MLLT10: variants seen among roughly 807,000 people sequenced by gnomAD.
The protein encoded by MLLT10 is MLLT10 histone lysine methyltransferase DOT1L cofactor.
In MLLT10, 30 loss-of-function variants were observed where a neutral mutation model predicts 129.1. That is an observed-to-expected ratio of 0.23 (90% CI 0.17 to 0.32). The LOEUF (loss-of-function observed/expected upper bound fraction) is 0.32. Ranked by LOEUF, MLLT10 falls within the 10% of genes least tolerant of loss-of-function variation. The probability of loss-of-function intolerance (pLI) is 1.00; values close to 1 mark genes in which losing one functional copy is unlikely to be tolerated. For missense variants in MLLT10, 1,119 were observed against 1,268.3 expected, an observed-to-expected ratio of 0.88 and a Z score of 1.79; for synonymous variants, 490 against 446.4, an observed-to-expected ratio of 1.10 and a Z score of -1.23.
rs146972917 is a variant in MLLT10 at position 21,712,921 on chromosome 10, C to T, written c.1700-851C>T. On this transcript the variant is annotated intron_variant, in intron 13 of 22. Transcript: ENST00000307729. ...ATTTTCTTTTTTTAAAAAATAAGCACTTTTAAAAAATTAACTTGTTTCCTG... is the reference window on the plus strand; with the variant it reads ...ATTTTCTTTTTTTAAAAAATAAGCATTTTTAAAAAATTAACTTGTTTCCTG... 5.7e-3 allele frequency among the ~76,000 whole-genome samples: 868 copies of T among 152,290 alleles called. 2 individuals carry two copies. Among genetic ancestry groups the T allele is most frequent in the African/African-American group, 0.02 (819 of 41,546 alleles).
intron 8 of MLLT10, among the ~76,000 whole-genome samples, chr10:21,618,940 G>T (rs1359582361): frequency 6.6e-6 from 1 of 151,662 alleles, no homozygotes; most frequent in Non-Finnish European, 1.5e-5. Flanking sequence ...TCACTATGTT[G>T]TCCAGGCTGG....
chr10:21,617,408 A>G (rs891529980), intron 8 of MLLT10, among the ~76,000 whole-genome samples: 1 of 152,212 alleles, frequency 6.6e-6, no homozygotes, highest in Non-Finnish European at 1.5e-5. Context: ...GCAACTGAAC[A>G]TTTAGATTAC....
At chr10:21,635,925 CTTTT>C (rs530505484) in intron 8 of MLLT10, among the ~76,000 whole-genome samples, 4 of 111,516 alleles carry the variant, frequency 3.6e-5, no homozygotes, top group African/African-American at 1.4e-4. Flanking sequence ...TGCACCTGGC[CTTTT>C]TTTTTTTTTT....
chr10:21,669,181 C>A (rs1321485007), intron 9 of MLLT10: 6 of 854,058 alleles, frequency 7.0e-6, no homozygotes, highest in Non-Finnish European at 9.2e-6. Flanking sequence ...TAGTGGAGTA[C>A]TTTGTTTTTA....
intron 4 of MLLT10, among the ~76,000 whole-genome samples, chr10:21,587,445 A>AG (rs1358025108): frequency 6.6e-6 from 1 of 151,058 alleles, no homozygotes; most frequent in African/African-American, 2.4e-5. Context: ...AAAAAAAAAA[A>AG]AAGCTGACTT....
intron 14 of MLLT10, among the ~76,000 whole-genome samples, chr10:21,725,796 G>A (rs1216183564): frequency 6.7e-6 from 1 of 149,822 alleles, no homozygotes; most frequent in Non-Finnish European, 1.5e-5. Context: ...TGTCGCCCAG[G>A]CTGGAGTGCA....
chr10:21,584,649 T>C (rs2041819167), intron 3 of MLLT10, among the ~76,000 whole-genome samples: 1 of 151,924 alleles, frequency 6.6e-6, no homozygotes, highest in African/African-American at 2.4e-5. Context: ...TTCTGTACTT[T>C]TAATACTATT....
intron 3 of MLLT10, among the ~76,000 whole-genome samples, chr10:21,564,827 A>C (rs2039344564): frequency 1.3e-5 from 2 of 150,730 alleles, no homozygotes; most frequent in Admixed American, 1.3e-4. Context: ...TCCATCTCAA[A>C]AAAAAAAAAA....
At position 21,743,588 on chromosome 10, in the gene MLLT10, A is replaced by G. The variant is rs1484987502; in HGVS notation, c.*1605A>G. On this transcript the variant is annotated 3_prime_UTR_variant, in exon 23 of 23. Coordinates refer to ENST00000307729, the MANE Select transcript of MLLT10 (RefSeq NM_001195626.3). Reference sequence around the variant, plus strand: ...GATGTAAAATTCCACATGTATTAAAATGTACAAAATGTTTTGTTAATAAAA... The same window carrying G: ...GATGTAAAATTCCACATGTATTAAAGTGTACAAAATGTTTTGTTAATAAAA... The G allele has an allele frequency of 5.7e-6, 1 of 175,014 alleles. No homozygotes were observed. Among genetic ancestry groups the G allele is most frequent in the Non-Finnish European group, 1.2e-5 (1 of 80,856 alleles). The allele number at this position is 175,014 out of a possible 1,614,324, so 10.8% of individuals were successfully genotyped here. A position where few individuals can be genotyped will look rare whatever the true frequency, so the allele number is the denominator to read the frequency against.
intron 14 of MLLT10, among the ~76,000 whole-genome samples, chr10:21,721,120 G>C (rs1341718331): frequency 6.6e-6 from 1 of 152,078 alleles, no homozygotes; most frequent in Admixed American, 6.6e-5. Context: ...TCATGTGTCA[G>C]GGCTGAAAAG....
chr10:21,687,147 G>A (rs1420062435), intron 13 of MLLT10, among the ~76,000 whole-genome samples: 1 of 152,148 alleles, frequency 6.6e-6, no homozygotes, highest in Admixed American at 6.5e-5. Context: ...AATAGGGTTT[G>A]TTGGAGGAGG....
At chr10:21,607,671 G>A (rs2044198086) in intron 5 of MLLT10, among the ~76,000 whole-genome samples, 1 of 152,012 alleles carries the variant, frequency 6.6e-6, no homozygotes, top group African/African-American at 2.4e-5. Context: ...TTGTATTATT[G>A]TCACATTTGT....
Position 21,595,450 on chromosome 10 carries a change from A to G in MLLT10, c.405+10A>G. On this transcript the variant is annotated intron_variant, in intron 5 of 22. Coordinates refer to ENST00000307729, the MANE Select transcript of MLLT10 (RefSeq NM_001195626.3). ...TGATCGTTATAATAAGGTACAGTGG[A>G]TATTATTTTATTACTGTTTGAATAT... 2 of 1,575,736 alleles carry G rather than the reference A, an allele frequency of 1.3e-6. No homozygotes were observed. Among genetic ancestry groups the G allele is most frequent in the South Asian group, 2.3e-5 (2 of 87,840 alleles).
At chr10:21,572,421 A>G (rs937278003) in intron 3 of MLLT10, among the ~76,000 whole-genome samples, 21 of 152,180 alleles carry the variant, frequency 1.4e-4, no homozygotes, top group African/African-American at 5.1e-4. Context: ...TTCTCCAAGA[A>G]AGGCTGATGG....
At chr10:21,626,345 A>G in intron 8 of MLLT10, 1 of 760,922 alleles carries the variant, frequency 1.3e-6, no homozygotes, top group East Asian at 2.6e-5. Flanking sequence ...CATTTTGAAA[A>G]TGACTAGAAA....
chr10:21,728,742 C>G (rs563226058), intron 16 of MLLT10, among the ~76,000 whole-genome samples: 1 of 152,124 alleles, frequency 6.6e-6, no homozygotes, highest in South Asian at 2.1e-4. Context: ...AAAATGAAAA[C>G]TTTGGTCAGG....
chr10:21,571,564 G>A (rs1053136212), intron 3 of MLLT10, among the ~76,000 whole-genome samples: 15 of 152,226 alleles, frequency 9.9e-5, no homozygotes, highest in Non-Finnish European at 2.1e-4. Context: ...TATCTTCAGT[G>A]CTGTTGTTTC....
chr10:21,641,814 G>C (rs1442697556), intron 8 of MLLT10, among the ~76,000 whole-genome samples: 1 of 152,202 alleles, frequency 6.6e-6, no homozygotes, highest in African/African-American at 2.4e-5. Flanking sequence ...AATCAGAGTG[G>C]CTGAAGCAAT....
intron 22 of MLLT10, 116 bp downstream of exon 22, chr10:21,740,352 C>T: frequency 8.6e-7 from 1 of 1,164,414 alleles, no homozygotes; most frequent in Non-Finnish European, 1.2e-6. Context: ...AAACCAGTTG[C>T]TTTTAGCAGA....
Sources: allele counts gnomAD v4.1 joint callset (sites outside exome capture counted in the v4.1 genomes callset), GRCh38; gene constraint gnomAD v4.1.1; transcripts MANE v1.5; gene names NCBI Gene and HGNC (gene_info 2026-07-23, HGNC 2026-07-21).